Variants in ITGA1 observed in about 807,000 individuals in gnomAD.
ITGA1 encodes the protein integrin alpha-1.
A neutral mutation model predicts 145.9 loss-of-function variants in ITGA1; 85 were observed. The observed-to-expected ratio is 0.58, with a 90% confidence interval of 0.49 to 0.70. The LOEUF (loss-of-function observed/expected upper bound fraction) is 0.70. Ranked by LOEUF, ITGA1 falls within the 30% of genes least tolerant of loss-of-function variation. The probability of loss-of-function intolerance (pLI) is 0.00; values close to 1 mark genes in which losing one functional copy is unlikely to be tolerated. For missense variants in ITGA1, 1,351 were observed against 1,418.7 expected, an observed-to-expected ratio of 0.95 and a Z score of 0.77; for synonymous variants, 520 against 495.3, an observed-to-expected ratio of 1.05 and a Z score of -0.66.
chr5:52,934,154 A>G (rs1008265361), intron 23 of ITGA1, among the ~76,000 whole-genome samples, 158 bp downstream of exon 23: 1 of 150,340 alleles, frequency 6.7e-6, no homozygotes, highest in Admixed American at 6.6e-5. Context: ...ATAGACATAT[A>G]ATATATAAAT....
chr5:52,934,934 A>C (rs1211800319), intron 23 of ITGA1, among the ~76,000 whole-genome samples: 1 of 151,884 alleles, frequency 6.6e-6, no homozygotes, highest in African/African-American at 2.4e-5. Flanking sequence ...CATAAATGCC[A>C]ATCACTCTAC....
intron 8 of ITGA1, among the ~76,000 whole-genome samples, chr5:52,890,955 C>T (rs1276016483): frequency 6.6e-6 from 1 of 152,152 alleles, no homozygotes; most frequent in East Asian, 1.9e-4. Context: ...TCAGCTCACA[C>T]ATTTGAGTGA....
intron 1 of ITGA1, among the ~76,000 whole-genome samples, chr5:52,834,083 A>G (rs1460747332): frequency 6.6e-6 from 1 of 152,228 alleles, no homozygotes; most frequent in Non-Finnish European, 1.5e-5. Context: ...AAGACAGTCC[A>G]TGTGAAGGCA....
chr5:52,887,077 C>A (rs1750064280), intron 7 of ITGA1, among the ~76,000 whole-genome samples: 1 of 152,088 alleles, frequency 6.6e-6, no homozygotes. Context: ...ATAGCATTTT[C>A]CCCTCCTCTC....
At chr5:52,936,307 A>G (rs937359640) in intron 23 of ITGA1, among the ~76,000 whole-genome samples, 4 of 152,194 alleles carry the variant, frequency 2.6e-5, no homozygotes, top group African/African-American at 7.2e-5. Context: ...AATATCAGGA[A>G]ACAGAATTTG....
chr5:52,890,908 C>T (rs1323857328), intron 8 of ITGA1, among the ~76,000 whole-genome samples: 1 of 152,130 alleles, frequency 6.6e-6, no homozygotes, highest in African/African-American at 2.4e-5. Flanking sequence ...CTTTGATAAC[C>T]ACCATTCTAT....
intron 3 of ITGA1, among the ~76,000 whole-genome samples, chr5:52,862,247 A>T (rs902696775): frequency 6.6e-6 from 1 of 152,012 alleles, no homozygotes; most frequent in African/African-American, 2.4e-5. Context: ...AAAAGAAAAA[A>T]AACAGATTTT....
chr5:52,908,384 A>G lies in ITGA1; in HGVS notation c.1456-514A>G, dbSNP rs538535594. ...GGGATGATACCCCTGCAATCCTTCC[A>G]TATTTTTCTATGTCCCATAGCTGCT... On this transcript the variant is annotated intron_variant, in intron 12 of 28. Coordinates refer to ENST00000282588, the MANE Select transcript of ITGA1 (RefSeq NM_181501.2). Among the ~76,000 whole-genome samples the G allele has an allele frequency of 4.6e-5, 7 of 152,298 alleles. No individual in the cohort carries two copies. The South Asian group carries it at 6.2e-4, about 14-fold the overall frequency.
chr5:52,855,630 A>AT (rs1749501244), intron 2 of ITGA1, among the ~76,000 whole-genome samples: 1 of 152,176 alleles, frequency 6.6e-6, no homozygotes, highest in African/African-American at 2.4e-5. Context: ...GTTACATCAA[A>AT]TGCCAGAATA....
intron 27 of ITGA1, 58 bp from the exon 28 acceptor site, chr5:52,947,287 G>A: frequency 1.0e-6 from 1 of 1,003,646 alleles, no homozygotes; most frequent in African/African-American, 1.6e-5. Flanking sequence ...AGAACTCAAT[G>A]TTCCAGGAGT....
intron 1 of ITGA1, among the ~76,000 whole-genome samples, chr5:52,825,990 A>G (rs1748954879): frequency 6.6e-6 from 1 of 152,140 alleles, no homozygotes; most frequent in Non-Finnish European, 1.5e-5. Flanking sequence ...TTCAAGTGAA[A>G]GGAAGTCACA....
intron 1 of ITGA1, among the ~76,000 whole-genome samples, chr5:52,814,908 G>A (rs532745685): frequency 6.6e-6 from 1 of 152,152 alleles, no homozygotes; most frequent in Admixed American, 6.5e-5. Context: ...ACAGACCCAG[G>A]GCTTCCTGGG....
intron 2 of ITGA1, among the ~76,000 whole-genome samples, chr5:52,860,060 G>A (rs1431114821): frequency 1.3e-5 from 2 of 152,182 alleles, no homozygotes; most frequent in African/African-American, 2.4e-5. Flanking sequence ...GTATGCAGCT[G>A]AGCGAAGTTA....
intron 8 of ITGA1, among the ~76,000 whole-genome samples, chr5:52,891,513 T>C (rs912628550): frequency 6.6e-6 from 1 of 150,610 alleles, no homozygotes; most frequent in African/African-American, 2.4e-5. Flanking sequence ...ACATTTTGCT[T>C]GTGTCCAGTT....
At position 52,790,772 on chromosome 5, in the gene ITGA1, CAT is replaced by C. The variant is rs576132191; in HGVS notation, c.61+2361_61+2362del. 2.5e-4 allele frequency among the ~76,000 whole-genome samples: 38 copies of C among 152,310 alleles called. 1 individual carries two copies. In the South Asian group the frequency reaches 7.9e-3, roughly 32 times the overall value. On this transcript the variant is annotated intron_variant, in intron 1 of 28. Transcript: ENST00000282588. The stretch of plus-strand genomic sequence containing the variant: ...AAGTCCCTTTTACCATCTAAGATAA[CAT>C]ATTCACAGGTTCCAGGCATTAGGTC...
intron 6 of ITGA1, among the ~76,000 whole-genome samples, chr5:52,868,333 T>C (rs1749721733): frequency 6.6e-6 from 1 of 152,222 alleles, no homozygotes; most frequent in Non-Finnish European, 1.5e-5. Flanking sequence ...AGAAAATCCA[T>C]ACGGCTCTTT....
chr5:52,864,162 G>A (rs1313692967), intron 3 of ITGA1: 1 of 152,036 alleles, frequency 6.6e-6, no homozygotes, highest in Non-Finnish European at 1.5e-5. Flanking sequence ...AATATTGTTA[G>A]GCTGGCATGC....
At chr5:52,885,227 G>C (rs987438413) in intron 7 of ITGA1, among the ~76,000 whole-genome samples, 2 of 152,070 alleles carry the variant, frequency 1.3e-5, no homozygotes, top group African/African-American at 4.8e-5. Context: ...ACAGAGGCTT[G>C]ATCACAGGCA....
chr5:52,828,982 C>T (rs1304170032), intron 1 of ITGA1, among the ~76,000 whole-genome samples: 1 of 152,160 alleles, frequency 6.6e-6, no homozygotes, highest in Non-Finnish European at 1.5e-5. Flanking sequence ...TACTCCTCTC[C>T]TTTCTCTTAT....
Sources: allele counts gnomAD v4.1 joint callset (sites outside exome capture counted in the v4.1 genomes callset), GRCh38; gene constraint gnomAD v4.1.1; transcripts MANE v1.5; gene names NCBI Gene and HGNC (gene_info 2026-07-23, HGNC 2026-07-21).